UNC13B: variants seen among roughly 807,000 people sequenced by gnomAD.
UNC13B encodes unc-13 homolog B.
A neutral mutation model predicts 211.0 loss-of-function variants in UNC13B; 144 were observed. The ratio of observed to expected loss-of-function variants is 0.68; its 90% CI spans 0.60 to 0.78. The LOEUF (loss-of-function observed/expected upper bound fraction) is 0.78. Among genes scored for constraint, UNC13B ranks in the 30% least tolerant of loss-of-function variants. The pLI is 0.00. For missense variants in UNC13B, 1,777 were observed against 2,002.0 expected, an observed-to-expected ratio of 0.89 and a Z score of 2.14; for synonymous variants, 709 against 725.8, an observed-to-expected ratio of 0.98 and a Z score of 0.37.
At position 35,404,908 on chromosome 9, in the gene UNC13B, C is replaced by G. The variant is rs1364594969; in HGVS notation, c.*875C>G. The G allele has an allele frequency of 6.5e-6, 1 of 152,682 alleles. No homozygotes were observed. Among genetic ancestry groups the G allele is most frequent in the Non-Finnish European group, 1.5e-5 (1 of 68,066 alleles). The allele number at this position is 152,682 out of a possible 1,614,324, so 9.5% of individuals were successfully genotyped here. ...TGTAGAAACCAGTCTAGAAAAAGTC[C>G]TGCTCATCTGTGGCCACTGCCTTCT... is the stretch of plus-strand genomic sequence containing the variant. On this transcript the variant is annotated 3_prime_UTR_variant, in exon 40 of 40. Coordinates refer to ENST00000635942, the MANE Select transcript of UNC13B (RefSeq NM_001371189.2).
intron 7 of UNC13B, among the ~76,000 whole-genome samples, chr9:35,287,837 C>T (rs372801004): frequency 2.0e-5 from 3 of 152,028 alleles, no homozygotes; most frequent in South Asian, 2.1e-4. Context: ...GCTCCACACC[C>T]GTATATCTGG....
intron 22 of UNC13B, chr9:35,384,659 CT>C: frequency 1.0e-6 from 1 of 985,380 alleles, no homozygotes; most frequent in Non-Finnish European, 1.2e-6. Flanking sequence ...AATTACATTT[CT>C]TTTTTGCATT....
intron 6 of UNC13B, among the ~76,000 whole-genome samples, chr9:35,257,517 G>T (rs1022145360): frequency 6.7e-5 from 9 of 134,580 alleles, no homozygotes; most frequent in Admixed American, 4.2e-4. Context: ...GGAGGCGAAG[G>T]TTGCAGTGAG....
At chr9:35,224,222 C>T (rs772753976) in intron 1 of UNC13B, among the ~76,000 whole-genome samples, 46 of 152,272 alleles carry the variant, frequency 3.0e-4, no homozygotes, top group African/African-American at 1.0e-3. Flanking sequence ...TGCATTTAAT[C>T]TCTAGATTGC....
chr9:35,378,414 G>C lies in UNC13B; in HGVS notation c.10183G>C (p.Val3395Leu). The C allele has an allele frequency of 6.2e-7, 1 of 1,614,160 alleles. No individual in the cohort carries two copies. Residue 3395 changes from valine (V) to leucine (L), a missense_variant, in exon 17 of 40, where the codon GTT becomes CTT. By Grantham distance (32) the Val-to-Leu change is conservative (BLOSUM62 1). Transcript: ENST00000635942. ...TKTIFGNLNP[V>L]WEEKFHFECH... ...GACCATTTTTGGAAACTTGAATCCT[G>C]TTTGGGAGGAGAAGTTCCATTTGTA...
chr9:35,172,316 C>T (rs142505788), intron 1 of UNC13B, among the ~76,000 whole-genome samples: 286 of 152,152 alleles, frequency 1.9e-3, no homozygotes, highest in African/African-American at 6.5e-3. Flanking sequence ...ATCTTTCATA[C>T]TGGGAACACT....
chr9:35,191,316 T>C (rs1822648714), intron 1 of UNC13B, among the ~76,000 whole-genome samples: 1 of 152,182 alleles, frequency 6.6e-6, no homozygotes, highest in Admixed American at 6.5e-5. Context: ...AAATTGTGAC[T>C]GAGACAGTGA....
intron 16 of UNC13B, 79 bp downstream of exon 16, chr9:35,377,774 A>C: frequency 7.2e-7 from 1 of 1,395,798 alleles, no homozygotes; most frequent in Non-Finnish European, 9.9e-7. Context: ...CCTGAGCGTG[A>C]GGGAGCAAGG....
intron 1 of UNC13B, among the ~76,000 whole-genome samples, chr9:35,197,901 TA>T (rs1338280271): frequency 6.6e-6 from 1 of 152,186 alleles, no homozygotes; most frequent in Non-Finnish European, 1.5e-5. Flanking sequence ...ACCTCTTTTT[TA>T]AATAAATTAC....
chr9:35,201,420 C>G (rs1040167905), intron 1 of UNC13B, among the ~76,000 whole-genome samples: 2 of 152,168 alleles, frequency 1.3e-5, no homozygotes, highest in Non-Finnish European at 2.9e-5. Flanking sequence ...GTACCAGCTT[C>G]TCTTTGTACC....
chr9:35,255,915 CAG>C (rs1826855319), intron 6 of UNC13B, among the ~76,000 whole-genome samples: 1 of 152,142 alleles, frequency 6.6e-6, no homozygotes, highest in Admixed American at 6.5e-5. Flanking sequence ...AATTTTGTTT[CAG>C]AGTCAAAACC....
rs1206856347 is a variant in UNC13B at position 35,167,982 on chromosome 9, G to A, written c.22+5677G>A. 3.3e-5 allele frequency among the ~76,000 whole-genome samples: 5 copies of A among 151,422 alleles called. No individual in the cohort carries two copies. In the East Asian group the frequency reaches 7.8e-4, roughly 24 times the overall value. Reference sequence around the variant, plus strand: ...CACCCAGGCTGGAGTGCAGTAGTACGATCGTGGCTCACTGCATCCTCAAAC... The same window carrying A: ...CACCCAGGCTGGAGTGCAGTAGTACAATCGTGGCTCACTGCATCCTCAAAC... On this transcript the variant is annotated intron_variant, in intron 1 of 39. Coordinates refer to ENST00000635942, the MANE Select transcript of UNC13B (RefSeq NM_001371189.2).
chr9:35,182,126 T>C (rs761677075), intron 1 of UNC13B, among the ~76,000 whole-genome samples: 6 of 152,236 alleles, frequency 3.9e-5, no homozygotes, highest in Non-Finnish European at 8.8e-5. Flanking sequence ...TTTGTTCCTA[T>C]ATCATCTTCA....
intron 6 of UNC13B, among the ~76,000 whole-genome samples, chr9:35,247,177 T>C (rs1001762360): frequency 2.0e-5 from 3 of 152,214 alleles, no homozygotes; most frequent in African/African-American, 7.2e-5. Context: ...TGTACAGGAA[T>C]GCTTGTGATT....
intron 6 of UNC13B, among the ~76,000 whole-genome samples, chr9:35,254,065 A>G (rs1013522237): frequency 6.6e-6 from 1 of 152,156 alleles, no homozygotes; most frequent in African/African-American, 2.4e-5. Flanking sequence ...ATCAGTTATT[A>G]CGCATCAGGT....
chr9:35,251,223 C>T (rs1417216210), intron 6 of UNC13B, among the ~76,000 whole-genome samples: 2 of 152,082 alleles, frequency 1.3e-5, no homozygotes, highest in African/African-American at 4.8e-5. Flanking sequence ...CTCGGCCTCC[C>T]AAAGTGCTGG....
At chr9:35,286,212 T>C (rs1056664814) in intron 7 of UNC13B, among the ~76,000 whole-genome samples, 14 of 151,632 alleles carry the variant, frequency 9.2e-5, no homozygotes, top group Admixed American at 6.6e-5. Flanking sequence ...CAAGCCATGT[T>C]TGGAAGCTTG....
chr9:35,330,179 G>A (rs2131960492), intron 11 of UNC13B, among the ~76,000 whole-genome samples: 1 of 152,272 alleles, frequency 6.6e-6, no homozygotes, highest in Non-Finnish European at 1.5e-5. Context: ...CAGGATTTTG[G>A]TGAGATCACA....
intron 22 of UNC13B, 135 bp downstream of exon 22, chr9:35,384,449 A>G (rs1036548638): frequency 2.8e-6 from 4 of 1,435,802 alleles, no homozygotes; most frequent in African/African-American, 1.4e-5. Context: ...CAAATGGCCA[A>G]TGCTACTGAC....
Sources: gnomAD v4.1 joint callset for allele counts (sites outside exome capture counted in the v4.1 genomes callset) on GRCh38, gnomAD v4.1.1 for gene constraint, MANE v1.5 for transcripts, NCBI Gene and HGNC (gene_info 2026-07-23, HGNC 2026-07-21) for gene names.